CSMD1: variants seen among roughly 807,000 people sequenced by gnomAD.
The protein encoded by CSMD1 is CUB and Sushi multiple domains 1.
Under a neutral mutation model 417.5 loss-of-function variants are expected in CSMD1, and 213 were observed. That is an observed-to-expected ratio of 0.51 (90% CI 0.46 to 0.57). The LOEUF is 0.57. CSMD1 is among the 20% of genes least tolerant of loss of function. The pLI is 0.00. For missense variants in CSMD1, 6,923 were observed against 4,529.7 expected, an observed-to-expected ratio of 1.53 and a Z score of -15.17; for synonymous variants, 2,862 against 1,736.8, an observed-to-expected ratio of 1.65 and a Z score of -16.11.
At chr8:3,071,955 A>T (rs1467056509) in intron 49 of CSMD1, among the ~76,000 whole-genome samples, 1 of 152,214 alleles carries the variant, frequency 6.6e-6, no homozygotes, top group African/African-American at 2.4e-5. Flanking sequence ...ACCTGGAAGC[A>T]ACCCTTCCAG....
At chr8:4,366,388 C>T (rs780189104) in intron 3 of CSMD1, among the ~76,000 whole-genome samples, 14 of 152,102 alleles carry the variant, frequency 9.2e-5, no homozygotes, top group African/African-American at 3.4e-4. Context: ...CTGCAATGAA[C>T]ATATGCATGC....
intron 5 of CSMD1, among the ~76,000 whole-genome samples, chr8:3,905,256 T>C (rs924172438): frequency 6.6e-5 from 10 of 152,246 alleles, no homozygotes; most frequent in Admixed American, 5.2e-4. Flanking sequence ...TTAGATTATA[T>C]TCTTTCATAC....
intron 3 of CSMD1, among the ~76,000 whole-genome samples, chr8:4,353,371 G>C (rs1341833943): frequency 1.3e-5 from 2 of 152,048 alleles, no homozygotes; most frequent in South Asian, 4.2e-4. Context: ...ATGATTGTGA[G>C]GCCTCCCCAG....
chr8:4,262,785 A>T (rs1803977505), intron 3 of CSMD1, among the ~76,000 whole-genome samples: 1 of 152,180 alleles, frequency 6.6e-6, no homozygotes, highest in South Asian at 2.1e-4. Flanking sequence ...AGAGGAAGGA[A>T]GTATGTTCCA....
At chr8:4,942,408 G>C (rs778913074) in intron 1 of CSMD1, among the ~76,000 whole-genome samples, 2 of 152,006 alleles carry the variant, frequency 1.3e-5, no homozygotes, top group Non-Finnish European at 2.9e-5. Flanking sequence ...TGTTGTACTG[G>C]AGGAATTCAC....
At chr8:4,748,339 T>G (rs1811086814) in intron 1 of CSMD1, among the ~76,000 whole-genome samples, 1 of 152,252 alleles carries the variant, frequency 6.6e-6, no homozygotes, top group Admixed American at 6.5e-5. Context: ...AATGTGTGCA[T>G]ATGGAAATTT....
intron 5 of CSMD1, among the ~76,000 whole-genome samples, chr8:3,916,571 G>T (rs991801877): frequency 6.6e-6 from 1 of 152,140 alleles, no homozygotes; most frequent in East Asian, 1.9e-4. Flanking sequence ...AAGTATGATT[G>T]TATGAACATT....
intron 3 of CSMD1, among the ~76,000 whole-genome samples, chr8:4,248,593 G>C (rs1227684172): frequency 6.6e-6 from 1 of 152,198 alleles, no homozygotes; most frequent in South Asian, 2.1e-4. Flanking sequence ...TCAAATCTGT[G>C]TTCAAATATG....
At chr8:3,800,788 C>G (rs1800412947) in intron 5 of CSMD1, among the ~76,000 whole-genome samples, 1 of 152,042 alleles carries the variant, frequency 6.6e-6, no homozygotes, top group Admixed American at 6.6e-5. Context: ...TCATGTTTGG[C>G]TGTATTTTGT....
At chr8:4,131,524 A>C (rs946327920) in intron 3 of CSMD1, among the ~76,000 whole-genome samples, 1 of 152,190 alleles carries the variant, frequency 6.6e-6, no homozygotes, top group South Asian at 2.1e-4. Context: ...ATTATGTTTA[A>C]TATCAACGCA....
At chr8:3,730,017 T>C (rs2623691) in intron 6 of CSMD1, among the ~76,000 whole-genome samples, 1 of 115,942 alleles carries the variant, frequency 8.6e-6, no homozygotes, top group Non-Finnish European at 1.7e-5. Flanking sequence ...AGGAGAAAAA[T>C]CTTTGGTCGA....
At chr8:4,847,089 T>C (rs1440040745) in intron 1 of CSMD1, among the ~76,000 whole-genome samples, 1 of 152,218 alleles carries the variant, frequency 6.6e-6, no homozygotes, top group Non-Finnish European at 1.5e-5. Context: ...CACCACGCTC[T>C]GCTCGTGTAT....
In CSMD1 at chr8:4,171,074, A is replaced by G. The variant is rs1048598689; in HGVS notation, c.416-138975T>C. Among the ~76,000 whole-genome samples, 3 of 151,892 alleles carry G rather than the reference A, an allele frequency of 2.0e-5. No individual in the cohort carries two copies. In the East Asian group the frequency reaches 5.8e-4, roughly 29 times the overall value. On this transcript the variant is annotated intron_variant, in intron 3 of 69. Transcript: ENST00000635120. ...TCCTCATCTGTCAGTGTTCCCCTCC[A>G]CGGTGCTTACCAGAGTCCAGCTGTA...
At position 4,141,480 on chromosome 8, in the gene CSMD1, C is replaced by T. The variant is rs1258389950; in HGVS notation, c.416-109381G>A. Among the ~76,000 whole-genome samples, 6 of 151,112 alleles carry T rather than the reference C, an allele frequency of 4.0e-5. 1 individual carries two copies. The highest frequency in any genetic ancestry group is 9.9e-5 in the African/African-American group (4 of 40,412). Reference sequence around the variant, plus strand: ...TAACACTGCTTTTGTATACAATATGCCATTTGGTCTTCACAATAATCCTGA... The same window carrying T: ...TAACACTGCTTTTGTATACAATATGTCATTTGGTCTTCACAATAATCCTGA... On this transcript the variant is annotated intron_variant, in intron 3 of 69. Coordinates refer to ENST00000635120, the MANE Select transcript of CSMD1 (RefSeq NM_033225.6).
chr8:3,867,277 T>C (rs945399987), intron 5 of CSMD1, among the ~76,000 whole-genome samples: 2 of 152,108 alleles, frequency 1.3e-5, no homozygotes, highest in Non-Finnish European at 2.9e-5. Flanking sequence ...CCATTACATA[T>C]CTTGAATATA....
chr8:4,795,298 G>C (rs763962508), intron 1 of CSMD1, among the ~76,000 whole-genome samples: 3 of 67,408 alleles, frequency 4.5e-5, no homozygotes, highest in Admixed American at 2.2e-4. Flanking sequence ...TTGAGATGGA[G>C]TCCTGCTCTG....
intron 64 of CSMD1, among the ~76,000 whole-genome samples, chr8:2,955,217 T>C (rs1405446792): frequency 1.3e-5 from 2 of 152,188 alleles, no homozygotes; most frequent in Admixed American, 1.3e-4. Flanking sequence ...TTGGTGACCT[T>C]TATTCATTTT....
chr8:4,427,883 T>C (rs1182709817), intron 2 of CSMD1, among the ~76,000 whole-genome samples: 2 of 152,200 alleles, frequency 1.3e-5, no homozygotes, highest in Non-Finnish European at 2.9e-5. Flanking sequence ...GGATCACTAC[T>C]TAATATAATG....
At chr8:4,500,477 G>T (rs1170253903) in intron 2 of CSMD1, among the ~76,000 whole-genome samples, 5 of 152,136 alleles carry the variant, frequency 3.3e-5, no homozygotes, top group African/African-American at 9.7e-5. Context: ...AGAAACAAGA[G>T]AATACGGAGT....
Sources: allele counts gnomAD v4.1 joint callset (sites outside exome capture counted in the v4.1 genomes callset), GRCh38; gene constraint gnomAD v4.1.1; transcripts MANE v1.5; gene names NCBI Gene and HGNC (gene_info 2026-07-23, HGNC 2026-07-21).